The following MSH3 variants were observed in gnomAD, a reference collection of about 807,000 sequenced individuals.
MSH3 encodes mutS homolog 3, also known as DNA mismatch repair protein Msh3.
In MSH3, 106 loss-of-function variants were observed where a neutral mutation model predicts 123.3. That is an observed-to-expected ratio of 0.86 (90% CI 0.73 to 1.01). MSH3 has a LOEUF of 1.01. Ranked by LOEUF, MSH3 falls within the 50% of genes least tolerant of loss-of-function variation. The probability of loss-of-function intolerance (pLI) is 0.00; values close to 1 mark genes in which losing one functional copy is unlikely to be tolerated. For synonymous variants in MSH3, 515 were observed against 481.4 expected (o/e 1.07, Z -0.91); for missense variants, 1,459 against 1,347.6 (o/e 1.08, Z -1.29).
intron 15 of MSH3, among the ~76,000 whole-genome samples, chr5:80,774,263 C>A (rs1168938305): frequency 3.3e-5 from 5 of 151,914 alleles, no homozygotes; most frequent in African/African-American, 1.2e-4. Context: ...TTATCTCACC[C>A]CAGTTAAAAT....
intron 8 of MSH3, among the ~76,000 whole-genome samples, chr5:80,714,411 C>G (rs1341080196): frequency 6.6e-6 from 1 of 152,066 alleles, no homozygotes; most frequent in Non-Finnish European, 1.5e-5. Flanking sequence ...GCTGAGATTA[C>G]AGGTATGAGC....
intron 20 of MSH3, among the ~76,000 whole-genome samples, chr5:80,845,321 A>T (rs1377792522): frequency 6.6e-6 from 1 of 152,050 alleles, no homozygotes; most frequent in Non-Finnish European, 1.5e-5. Flanking sequence ...TTTCTCTCTG[A>T]CTGCCCTTAA....
At chr5:80,737,272 C>A (rs1253430176) in intron 10 of MSH3, among the ~76,000 whole-genome samples, 1 of 152,076 alleles carries the variant, frequency 6.6e-6, no homozygotes, top group Non-Finnish European at 1.5e-5. Flanking sequence ...TAGTTTTTGT[C>A]ATTGTTTCCA....
At chr5:80,724,926 A>T (rs1743242866) in intron 8 of MSH3, among the ~76,000 whole-genome samples, 1 of 152,184 alleles carries the variant, frequency 6.6e-6, no homozygotes, top group Admixed American at 6.5e-5. Flanking sequence ...GTTAATAAAA[A>T]GTACTTGGCC....
At chr5:80,691,507 CCTT>C (rs1750250325) in intron 8 of MSH3, among the ~76,000 whole-genome samples, 2 of 150,272 alleles carry the variant, frequency 1.3e-5, no homozygotes, top group Admixed American at 6.6e-5. Flanking sequence ...TATCAGTTCT[CCTT>C]AATATAAATT....
chr5:80,658,766 T>C (rs1020137574), intron 2 of MSH3, among the ~76,000 whole-genome samples: 3 of 139,764 alleles, frequency 2.1e-5, no homozygotes, highest in Non-Finnish European at 3.2e-5. Flanking sequence ...TAATTAAAAA[T>C]ATATATATTT....
chr5:80,787,450 C>G, intron 17 of MSH3, 115 bp from the exon 18 acceptor site: 1 of 771,696 alleles, frequency 1.3e-6, no homozygotes, highest in East Asian at 2.5e-5. Flanking sequence ...TTAGGAATGC[C>G]TGCTGATCAT....
intron 18 of MSH3, among the ~76,000 whole-genome samples, chr5:80,792,162 A>T (rs1292508761): frequency 6.6e-6 from 1 of 152,220 alleles, no homozygotes; most frequent in Non-Finnish European, 1.5e-5. Context: ...GTATTCATTA[A>T]TGAAAATAAG....
intron 18 of MSH3, among the ~76,000 whole-genome samples, chr5:80,789,832 T>C (rs1226346596): frequency 1.3e-5 from 2 of 152,194 alleles, no homozygotes; most frequent in Non-Finnish European, 2.9e-5. Flanking sequence ...TAGGAGGTCA[T>C]TGGTAGGATA....
At chr5:80,740,708 A>C (rs1743597146) in intron 10 of MSH3, among the ~76,000 whole-genome samples, 1 of 142,790 alleles carries the variant, frequency 7.0e-6, no homozygotes, top group Non-Finnish European at 1.5e-5. Flanking sequence ...TGCATATGTT[A>C]GAATCTTTTT....
At chr5:80,725,121 G>A (rs910426398) in intron 8 of MSH3, among the ~76,000 whole-genome samples, 2 of 150,470 alleles carry the variant, frequency 1.3e-5, no homozygotes, top group African/African-American at 4.9e-5. Context: ...GGCTGAGGCA[G>A]GAGAATGATG....
At chr5:80,758,706 C>T (rs1193983689) in intron 12 of MSH3, among the ~76,000 whole-genome samples, 1 of 152,098 alleles carries the variant, frequency 6.6e-6, no homozygotes, top group African/African-American at 2.4e-5. Flanking sequence ...TTTCAAGTCT[C>T]TAAGAAATTT....
intron 1 of MSH3, chr5:80,655,640 T>TC (rs971297510): frequency 3.3e-5 from 6 of 181,546 alleles, no homozygotes; most frequent in African/African-American, 1.4e-4. Context: ...GGGTGACCCC[T>TC]CACTTGGGTC....
At chr5:80,746,466 C>G in intron 12 of MSH3, 1 of 499,670 alleles carries the variant, frequency 2.0e-6, no homozygotes, top group South Asian at 1.5e-5. Context: ...TGGCAACAGT[C>G]TTGTGTGTAA....
intron 8 of MSH3, among the ~76,000 whole-genome samples, chr5:80,713,478 A>G (rs756588255): frequency 6.7e-6 from 1 of 149,546 alleles, no homozygotes; most frequent in African/African-American, 2.4e-5. Context: ...CCCACCAACA[A>G]GGACAGAAGG....
At chr5:80,705,378 T>G (rs1461449048) in intron 8 of MSH3, among the ~76,000 whole-genome samples, 1 of 152,212 alleles carries the variant, frequency 6.6e-6, no homozygotes. Flanking sequence ...AAGAATTGAC[T>G]GTTATAGTTC....
At position 80,849,750 on chromosome 5, in the gene MSH3, G is replaced by A. The variant is rs1208661214; in HGVS notation, c.2814-4380G>A. Among the ~76,000 whole-genome samples, 4 of 152,056 alleles carry A rather than the reference G, an allele frequency of 2.6e-5. No individual in the cohort carries two copies. In the East Asian group the frequency reaches 5.8e-4, roughly 22 times the overall value. ...ACCACTTTTTCCTCCTTGGCCTCCC[G>A]GGGTGTGTTGGGAGGGGCTGCCATG... On this transcript the variant is annotated intron_variant, in intron 20 of 23. Coordinates refer to ENST00000265081, the MANE Select transcript of MSH3 (RefSeq NM_002439.5).
At chr5:80,663,404 C>T (rs1052411934) in intron 2 of MSH3, among the ~76,000 whole-genome samples, 3 of 152,088 alleles carry the variant, frequency 2.0e-5, no homozygotes, top group Non-Finnish European at 4.4e-5. Flanking sequence ...TATGTGCTCT[C>T]AGTGCTTTTT....
At chr5:80,757,196 A>G (rs1197810641) in intron 12 of MSH3, among the ~76,000 whole-genome samples, 2 of 152,080 alleles carry the variant, frequency 1.3e-5, no homozygotes. Flanking sequence ...TGGGGTATCC[A>G]TCACCCCAAG....
Sources: allele counts gnomAD v4.1 joint callset (sites outside exome capture counted in the v4.1 genomes callset), GRCh38; gene constraint gnomAD v4.1.1; transcripts MANE v1.5; gene names NCBI Gene and HGNC (gene_info 2026-07-23, HGNC 2026-07-21).